Variants in ARID4B observed in about 807,000 individuals in gnomAD.
ARID4B encodes the protein AT-rich interaction domain 4B.
In ARID4B, 26 loss-of-function variants were observed where a neutral mutation model predicts 147.5. The ratio of observed to expected loss-of-function variants is 0.18; its 90% confidence interval spans 0.13 to 0.24. The LOEUF (loss-of-function observed/expected upper bound fraction) is 0.24. Among genes scored for constraint, ARID4B ranks in the 10% least tolerant of loss-of-function variants. The probability of loss-of-function intolerance (pLI) is 1.00; values close to 1 mark genes in which losing one functional copy is unlikely to be tolerated. For missense variants in ARID4B, 1,179 were observed against 1,511.5 expected (o/e 0.78, Z 3.65); for synonymous variants, 512 against 507.9 (o/e 1.01, Z -0.11).
intron 8 of ARID4B, among the ~76,000 whole-genome samples, chr1:235,239,209 G>T (rs1668824178): frequency 6.6e-6 from 1 of 151,712 alleles, no homozygotes; most frequent in African/African-American, 2.4e-5. Flanking sequence ...TGACCTCAGG[G>T]GATTTGCCCA....
At chr1:235,277,576 C>A (rs1046553515) in intron 2 of ARID4B, among the ~76,000 whole-genome samples, 2 of 146,258 alleles carry the variant, frequency 1.4e-5, no homozygotes, top group Non-Finnish European at 3.0e-5. Flanking sequence ...TAAATGAGAC[C>A]ATTTTTAATG....
intron 19 of ARID4B, 120 bp downstream of exon 19, chr1:235,193,893 G>C (rs1665295672): frequency 5.9e-6 from 4 of 683,738 alleles, no homozygotes; most frequent in East Asian, 2.6e-5. Flanking sequence ...TGTAATAAGA[G>C]AGCAAACAAA....
At chr1:235,261,587 T>A (rs1261002341) in intron 2 of ARID4B, among the ~76,000 whole-genome samples, 1 of 152,178 alleles carries the variant, frequency 6.6e-6, no homozygotes, top group Admixed American at 6.5e-5. Flanking sequence ...ATATTTAAAC[T>A]ACTAGTGAAA....
intron 11 of ARID4B, 54 bp downstream of exon 11, chr1:235,229,177 G>A (rs1262932686): frequency 3.2e-6 from 5 of 1,573,012 alleles, no homozygotes; most frequent in African/African-American, 1.4e-5. Flanking sequence ...TAACCCACAA[G>A]GGAAACCCAA....
chr1:235,175,420 T>TTAA (rs1012249117), intron 21 of ARID4B, 21 bp from the exon 22 acceptor site: 10 of 1,559,190 alleles, frequency 6.4e-6, no homozygotes, highest in Admixed American at 5.2e-5. Flanking sequence ...AAGAAAAGAT[T>TTAA]TAATAAACAA....
chr1:235,210,523 T>C (rs998736457), intron 17 of ARID4B, among the ~76,000 whole-genome samples: 1 of 150,794 alleles, frequency 6.6e-6, no homozygotes, highest in Non-Finnish European at 1.5e-5. Context: ...ATAAAAATTA[T>C]TGCTTATTTA....
At chr1:235,223,141 G>A (rs1667579537) in intron 13 of ARID4B, 25 bp downstream of exon 13, 2 of 1,427,686 alleles carry the variant, frequency 1.4e-6, no homozygotes, top group East Asian at 4.8e-5. Context: ...TGAAAAAGAT[G>A]TTTCAGTTTG....
intron 8 of ARID4B, among the ~76,000 whole-genome samples, chr1:235,236,501 T>C (rs1668566404): frequency 2.5e-5 from 1 of 40,644 alleles, no homozygotes; most frequent in Non-Finnish European, 5.4e-5. Context: ...GTTGTGTGTG[T>C]GTGTGTGTGT....
At chr1:235,228,997 C>T in intron 11 of ARID4B, 1 of 448,642 alleles carries the variant, frequency 2.2e-6, no homozygotes, top group Non-Finnish European at 3.9e-6. Context: ...AAGACTAAGA[C>T]ATGTTTTTGA....
At chr1:235,219,680 TATTA>T (rs1667313010) in intron 16 of ARID4B, 109 bp downstream of exon 16, 2 of 832,924 alleles carry the variant, frequency 2.4e-6, no homozygotes, top group Admixed American at 6.2e-5. Flanking sequence ...CCAATCACTC[TATTA>T]TTTAATATTT....
intron 2 of ARID4B, among the ~76,000 whole-genome samples, chr1:235,288,092 A>G (rs1156484072): frequency 6.6e-6 from 1 of 152,220 alleles, no homozygotes; most frequent in East Asian, 1.9e-4. Flanking sequence ...GGATCACCTG[A>G]AGTCAGGAAT....
chr1:235,229,254 C>T lies in ARID4B; in HGVS notation c.874G>A (p.Glu292Lys), dbSNP rs1668047348. 1 of 1,611,692 alleles carries T rather than the reference C, an allele frequency of 6.2e-7. No homozygotes were observed. Among genetic ancestry groups the T allele is most frequent in the Non-Finnish European group, 8.5e-7 (1 of 1,178,434 alleles). ...ACTTCTTCTTCACTGCTATTATCCTCCTTTTCTTTTTCATCATCTTCCTCC... is the reference window on the plus strand; with the variant it reads ...ACTTCTTCTTCACTGCTATTATCCTTCTTTTCTTTTTCATCATCTTCCTCC... ...EEEEDDEKEK[E>K]DNSSEEEEEI... Residue 292 changes from glutamate to lysine, a missense_variant, in exon 11 of 24, where the codon GAG (glutamate) becomes AAG (lysine). Physicochemically the swap from Glu to Lys is moderately conservative, Grantham distance 56 (BLOSUM62 1). Transcript: ENST00000264183.
At chr1:235,242,267 T>G (rs1004543377) in intron 7 of ARID4B, among the ~76,000 whole-genome samples, 8 of 150,726 alleles carry the variant, frequency 5.3e-5, no homozygotes, top group African/African-American at 1.9e-4. Flanking sequence ...AAAAAAGATG[T>G]ATTGTACTTC....
chr1:235,187,048 T>G (rs536304458), intron 19 of ARID4B: 18 of 394,352 alleles, frequency 4.6e-5, no homozygotes, highest in Non-Finnish European at 8.7e-5. Context: ...CACTGCATCT[T>G]ATTCTTTTCT....
At chr1:235,193,648 A>G (rs1231706290) in intron 19 of ARID4B, among the ~76,000 whole-genome samples, 2 of 152,182 alleles carry the variant, frequency 1.3e-5, no homozygotes, top group Non-Finnish European at 2.9e-5. Flanking sequence ...GCCTCAATCA[A>G]TGGCTGATTT....
intron 4 of ARID4B, among the ~76,000 whole-genome samples, chr1:235,256,324 C>A (rs1669990045): frequency 6.6e-6 from 1 of 151,970 alleles, no homozygotes; most frequent in Non-Finnish European, 1.5e-5. Flanking sequence ...TCCTGGGAAC[C>A]CCCAGGGTCA....
intron 21 of ARID4B, among the ~76,000 whole-genome samples, chr1:235,176,586 C>G (rs1330672568): frequency 6.6e-6 from 1 of 151,800 alleles, no homozygotes; most frequent in Non-Finnish European, 1.5e-5. Context: ...CACATATACA[C>G]AAATTCCCTC....
intron 5 of ARID4B, 63 bp from the exon 6 acceptor site, chr1:235,252,872 T>C (rs77226837): frequency 7.3e-6 from 10 of 1,365,784 alleles, no homozygotes; most frequent in African/African-American, 1.5e-5. Context: ...AGAGATGACA[T>C]GTATTACAAT....
intron 7 of ARID4B, among the ~76,000 whole-genome samples, chr1:235,245,327 G>A (rs978337787): frequency 2.6e-5 from 4 of 151,954 alleles, no homozygotes; most frequent in African/African-American, 9.7e-5. Flanking sequence ...CGACAGAAGA[G>A]GAAATAAAAA....
Sources: gnomAD v4.1 joint callset for allele counts (sites outside exome capture counted in the v4.1 genomes callset) on GRCh38, gnomAD v4.1.1 for gene constraint, MANE v1.5 for transcripts, NCBI Gene and HGNC (gene_info 2026-07-23, HGNC 2026-07-21) for gene names.